The following MAN2A1 variants were observed in gnomAD, a reference collection of about 807,000 sequenced individuals.
MAN2A1 encodes the protein alpha-mannosidase 2.
MAN2A1 carries 76 observed loss-of-function variants against 142.6 expected under a neutral mutation model. The observed-to-expected ratio is 0.53, with a 90% confidence interval of 0.44 to 0.65. The LOEUF (loss-of-function observed/expected upper bound fraction) is 0.65. MAN2A1 is among the 30% of genes least tolerant of loss of function. MAN2A1 has a pLI of 0.00. For missense variants in MAN2A1, 1,311 were observed against 1,365.1 expected, an observed-to-expected ratio of 0.96 and a Z score of 0.62; for synonymous variants, 559 against 473.2, an observed-to-expected ratio of 1.18 and a Z score of -2.35.
chr5:109,695,221 T>C (rs1344834280), intron 1 of MAN2A1, among the ~76,000 whole-genome samples: 1 of 152,212 alleles, frequency 6.6e-6, no homozygotes, highest in Non-Finnish European at 1.5e-5. Flanking sequence ...GTTTTGTTTT[T>C]TGTTTTTTTT....
intron 12 of MAN2A1, among the ~76,000 whole-genome samples, chr5:109,815,158 C>T (rs563664167): frequency 9.2e-5 from 14 of 152,190 alleles, no homozygotes; most frequent in African/African-American, 2.9e-4. Context: ...TAGGACAGTC[C>T]CATTGGTAAT....
At chr5:109,782,519 T>A (rs1753488247) in intron 9 of MAN2A1, among the ~76,000 whole-genome samples, 1 of 152,194 alleles carries the variant, frequency 6.6e-6, no homozygotes, top group South Asian at 2.1e-4. Context: ...TCTCTATGTA[T>A]AGACCAGTAA....
intron 1 of MAN2A1, among the ~76,000 whole-genome samples, chr5:109,701,048 A>G (rs913550935): frequency 2.6e-5 from 4 of 152,236 alleles, no homozygotes; most frequent in Non-Finnish European, 4.4e-5. Flanking sequence ...AGTAAATGCT[A>G]GTTGTTACCA....
intron 19 of MAN2A1, chr5:109,853,530 G>C (rs1038349169): frequency 6.6e-6 from 1 of 152,190 alleles, no homozygotes; most frequent in African/African-American, 2.4e-5. Flanking sequence ...CTACTCACTG[G>C]AGTGGTGAGG....
At chr5:109,745,232 A>G (rs551791034) in intron 4 of MAN2A1, among the ~76,000 whole-genome samples, 3 of 152,326 alleles carry the variant, frequency 2.0e-5, no homozygotes, top group East Asian at 1.9e-4. Flanking sequence ...TGTATTGTAT[A>G]TTGTTATATC....
chr5:109,755,276 T>C, intron 4 of MAN2A1, 53 bp from the exon 5 acceptor site: 1 of 1,419,210 alleles, frequency 7.0e-7, no homozygotes, highest in Non-Finnish European at 9.9e-7. Flanking sequence ...TAGTTTTTCA[T>C]TTGAACTTTT....
chr5:109,760,950 A>C (rs1041421773), intron 5 of MAN2A1, among the ~76,000 whole-genome samples: 48 of 151,996 alleles, frequency 3.2e-4, no homozygotes, highest in African/African-American at 1.1e-3. Context: ...GTATGTTCTA[A>C]ATATGAGCAC....
chr5:109,764,671 C>T (rs567571829), intron 5 of MAN2A1, among the ~76,000 whole-genome samples: 1 of 152,084 alleles, frequency 6.6e-6, no homozygotes, highest in African/African-American at 2.4e-5. Flanking sequence ...AGGTTGCTAC[C>T]CCTCTGGATC....
At chr5:109,853,076 C>T (rs907635810) in intron 19 of MAN2A1, among the ~76,000 whole-genome samples, 2 of 152,132 alleles carry the variant, frequency 1.3e-5, no homozygotes, top group Admixed American at 1.3e-4. Flanking sequence ...TCTTGAAGTC[C>T]TTAATATCCA....
At chr5:109,835,268 T>C (rs1755027472) in intron 16 of MAN2A1, among the ~76,000 whole-genome samples, 1 of 152,148 alleles carries the variant, frequency 6.6e-6, no homozygotes, top group Admixed American at 6.6e-5. Context: ...GAAGCCCTAG[T>C]TTTTTCTGAT....
At chr5:109,722,053 A>G (rs1185421719) in intron 3 of MAN2A1, among the ~76,000 whole-genome samples, 2 of 152,230 alleles carry the variant, frequency 1.3e-5, no homozygotes, top group South Asian at 4.1e-4. Context: ...TTTGAAATCA[A>G]GTGATCTTTT....
In MAN2A1 at chr5:109,749,766, T is replaced by G. The variant is rs79592741; in HGVS notation, c.708-5563T>G. On this transcript the variant is annotated intron_variant, in intron 4 of 21. Transcript: ENST00000261483. ...TTAATTTAAATTCTAATGTTTTTAA[T>G]TAACTTTCTCCACTAATATTCCCCT... Among the ~76,000 whole-genome samples, 10 of 152,218 alleles carry G rather than the reference T, an allele frequency of 6.6e-5. No homozygotes were observed. The East Asian group carries it at 1.9e-3, about 29-fold the overall frequency.
intron 4 of MAN2A1, among the ~76,000 whole-genome samples, chr5:109,750,035 G>A (rs1239069152): frequency 6.6e-6 from 1 of 151,940 alleles, no homozygotes; most frequent in African/African-American, 2.4e-5. Context: ...GTTATTGCTT[G>A]TAAATATTTT....
chr5:109,772,363 C>T (rs537649031), intron 7 of MAN2A1, among the ~76,000 whole-genome samples: 4 of 152,268 alleles, frequency 2.6e-5, no homozygotes, highest in East Asian at 1.9e-4. Flanking sequence ...AGTGAGACTT[C>T]GTCTCTAAAA....
intron 4 of MAN2A1, among the ~76,000 whole-genome samples, chr5:109,732,644 C>G (rs369948135): frequency 1.3e-5 from 2 of 152,010 alleles, no homozygotes; most frequent in East Asian, 1.9e-4. Context: ...GCTTGTTTTT[C>G]TCAGGTTTGT....
intron 12 of MAN2A1, among the ~76,000 whole-genome samples, chr5:109,796,385 G>A (rs980324643): frequency 5.9e-5 from 9 of 152,122 alleles, no homozygotes; most frequent in African/African-American, 1.9e-4. Flanking sequence ...ATATTTCATG[G>A]TAAAGTAAAA....
At chr5:109,835,498 A>G (rs1289183814) in intron 16 of MAN2A1, among the ~76,000 whole-genome samples, 1 of 152,200 alleles carries the variant, frequency 6.6e-6, no homozygotes, top group Non-Finnish European at 1.5e-5. Context: ...GTTAAATTTC[A>G]GTTAAACTTT....
At chr5:109,751,831 G>T (rs980372287) in intron 4 of MAN2A1, among the ~76,000 whole-genome samples, 1 of 151,838 alleles carries the variant, frequency 6.6e-6, no homozygotes, top group Non-Finnish European at 1.5e-5. Flanking sequence ...CCTTCAGCTT[G>T]ATCTTTGACT....
chr5:109,866,735 C>T lies in MAN2A1; in HGVS notation c.3283-111C>T. 4.8e-6 allele frequency: 3 copies of T among 627,890 alleles called. No homozygotes were observed. In the South Asian group the frequency reaches 8.3e-5, roughly 17 times the overall value. The allele number at this position is 627,890 out of a possible 1,614,324, so 38.9% of individuals were successfully genotyped here. A position where few individuals can be genotyped will look rare whatever the true frequency, so the allele number is the denominator to read the frequency against. On this transcript the variant is annotated intron_variant, in intron 21 of 21. Transcript: ENST00000261483. Reference sequence around the variant, plus strand: ...CCACCCTTTTTTCCTCAAAAGAGAACTTCAACATACTGTTTTATTCCTTCT... The same window carrying T: ...CCACCCTTTTTTCCTCAAAAGAGAATTTCAACATACTGTTTTATTCCTTCT...
Sources: gnomAD v4.1 joint callset for allele counts (sites outside exome capture counted in the v4.1 genomes callset) on GRCh38, gnomAD v4.1.1 for gene constraint, MANE v1.5 for transcripts, NCBI Gene and HGNC (gene_info 2026-07-23, HGNC 2026-07-21) for gene names.